The following RPTOR variants were observed in gnomAD, a reference collection of about 807,000 sequenced individuals.
RPTOR encodes regulatory associated protein of MTOR complex 1.
A neutral mutation model predicts 169.9 loss-of-function variants in RPTOR; 21 were observed. The observed-to-expected ratio is 0.12, with a 90% CI of 0.09 to 0.18. The LOEUF is 0.18. Among genes scored for constraint, RPTOR ranks in the 10% least tolerant of loss-of-function variants. The probability of loss-of-function intolerance (pLI) is 1.00; values close to 1 mark genes in which losing one functional copy is unlikely to be tolerated. For synonymous variants in RPTOR, 732 were observed against 753.2 expected, an observed-to-expected ratio of 0.97 and a Z score of 0.46; for missense variants, 1,133 against 1,855.9, an observed-to-expected ratio of 0.61 and a Z score of 7.16.
chr17:80,702,196 A>G (rs542884741), intron 3 of RPTOR, among the ~76,000 whole-genome samples: 1 of 150,924 alleles, frequency 6.6e-6, no homozygotes, highest in South Asian at 2.1e-4. Flanking sequence ...TTGGAGCTGC[A>G]TTTTCCTTCA....
rs114828209 is a variant in RPTOR, at chr17:80,774,001, C to T, written c.831-17449C>T. ...CCTCTTCTCGGGCTGTCAGAAAGGACGAGGCTGAGTCAGGCTTTAATGTAA... is the reference window on the plus strand; with the variant it reads ...CCTCTTCTCGGGCTGTCAGAAAGGATGAGGCTGAGTCAGGCTTTAATGTAA... On this transcript the variant is annotated intron_variant, in intron 6 of 33. Transcript: ENST00000306801. 478 of 985,408 alleles carry T rather than the reference C, an allele frequency of 4.9e-4. 2 individuals carry two copies. The African/African-American group carries it at 5.6e-3, about 12-fold the overall frequency. The allele number at this position is 985,408 out of a possible 1,614,324, so 61.0% of individuals were successfully genotyped here. A position where few individuals can be genotyped will look rare whatever the true frequency, so the allele number is the denominator to read the frequency against.
intron 32 of RPTOR, 33 bp downstream of exon 32, chr17:80,962,610 C>A: frequency 6.4e-7 from 1 of 1,564,436 alleles, no homozygotes; most frequent in Non-Finnish European, 8.8e-7. Context: ...GCCTGCACCG[C>A]TCACCCGCCT....
At position 80,823,855 on chromosome 17, in the gene RPTOR, A is replaced by G. The variant is rs1223484867; in HGVS notation, c.1136+632A>G. 3.9e-5 allele frequency among the ~76,000 whole-genome samples: 6 copies of G among 152,242 alleles called. No individual in the cohort carries two copies. The highest frequency in any genetic ancestry group is 8.8e-5 in the Non-Finnish European group (6 of 68,046). ...CTTTCTGTTCTGTGGCTGTCCTAAC[A>G]AGCAGGTTTGGGCAAATTCTAAAAT... On this transcript the variant is annotated intron_variant, in intron 9 of 33. Transcript: ENST00000306801. This position sits in a 1 kb window ranked among gnomAD's most constrained non-coding sequence, Gnocchi z 4.5.
chr17:80,666,440 G>T (rs2065780086), intron 3 of RPTOR, among the ~76,000 whole-genome samples: 1 of 152,146 alleles, frequency 6.6e-6, no homozygotes, highest in Non-Finnish European at 1.5e-5. Flanking sequence ...GAGTATAGGT[G>T]AGGCCGAAAC....
intron 5 of RPTOR, among the ~76,000 whole-genome samples, chr17:80,749,471 G>A (rs2066610695): frequency 2.8e-5 from 3 of 108,838 alleles, no homozygotes; most frequent in East Asian, 3.0e-4. Context: ...GACCTGTTGG[G>A]TGGATGGAGG....
chr17:80,812,875 T>C (rs935823247), intron 7 of RPTOR, among the ~76,000 whole-genome samples: 1 of 152,254 alleles, frequency 6.6e-6, no homozygotes, highest in Admixed American at 6.5e-5. Context: ...ATTTGGAATC[T>C]GGTGGGCTCA....
At chr17:80,617,444 A>G (rs546922086) in intron 1 of RPTOR, among the ~76,000 whole-genome samples, 13 of 152,342 alleles carry the variant, frequency 8.5e-5, no homozygotes, top group African/African-American at 2.9e-4. Flanking sequence ...GACATATACT[A>G]TTTTATCATG....
intron 29 of RPTOR, among the ~76,000 whole-genome samples, chr17:80,958,071 C>T (rs961808129): frequency 2.6e-5 from 4 of 151,090 alleles, no homozygotes; most frequent in African/African-American, 4.9e-5. Flanking sequence ...TATTTGGAGG[C>T]GTTTTTTTTT....
chr17:80,922,564 C>T lies in RPTOR; in HGVS notation c.2521-160C>T, dbSNP rs547878302. On this transcript the variant is annotated intron_variant, in intron 21 of 33. Transcript: ENST00000306801. ...CACTTGAGCTTCAGGATTGCCTTTGCGGGGGATCCAGCTGGGGCCTTCCAT... is the reference window on the plus strand; with the variant it reads ...CACTTGAGCTTCAGGATTGCCTTTGTGGGGGATCCAGCTGGGGCCTTCCAT... Among the ~76,000 whole-genome samples, 10 of 152,364 alleles carry T rather than the reference C, an allele frequency of 6.6e-5. No homozygotes were observed. In the South Asian group the frequency reaches 1.9e-3, roughly 28 times the overall value.
intron 20 of RPTOR, among the ~76,000 whole-genome samples, chr17:80,894,127 A>G (rs1332574451): frequency 6.6e-6 from 1 of 152,212 alleles, no homozygotes; most frequent in East Asian, 1.9e-4. Context: ...CTGGGTGGGA[A>G]GGCTGCCAGA....
At chr17:80,585,220 C>T (rs4889864) in intron 1 of RPTOR, among the ~76,000 whole-genome samples, 116,852 of 144,858 alleles carry the variant, frequency 0.81, 47,291 homozygotes, top group African/African-American at 0.91. Flanking sequence ...TTTTTTTTTT[C>T]CTGAGATGGA....
At chr17:80,838,701 A>C (rs1317859623) in intron 10 of RPTOR, among the ~76,000 whole-genome samples, 5 of 152,142 alleles carry the variant, frequency 3.3e-5, no homozygotes, top group Non-Finnish European at 5.9e-5. Context: ...GAGGCCAGGG[A>C]TGGGGGAGGC....
chr17:80,947,824 AG>A lies in RPTOR; in HGVS notation c.3265+475del, dbSNP rs1487884066. On this transcript the variant is annotated intron_variant, in intron 27 of 33. Coordinates refer to ENST00000306801, the MANE Select transcript of RPTOR (RefSeq NM_020761.3). This position sits in a 1 kb window ranked among gnomAD's most constrained non-coding sequence, Gnocchi z 4.4. ...CCTCCAGTCCCGTCCTGCACCTGAA[AG>A]GACATCGTTGACCATCATGGTCGCT... is the stretch of plus-strand genomic sequence containing the variant. 6.6e-6 allele frequency among the ~76,000 whole-genome samples: 1 copy of A among 152,170 alleles called. No homozygotes were observed. Among genetic ancestry groups the A allele is most frequent in the Non-Finnish European group, 1.5e-5 (1 of 68,044 alleles).
At chr17:80,682,117 C>CCCCT (rs57796737) in intron 3 of RPTOR, among the ~76,000 whole-genome samples, 1 of 127,928 alleles carries the variant, frequency 7.8e-6, no homozygotes, top group Non-Finnish European at 1.6e-5. Flanking sequence ...TCCCCCCCCC[C>CCCCT]ACCCCAAACA....
chr17:80,573,386 T>C (rs2064928051), intron 1 of RPTOR, among the ~76,000 whole-genome samples: 1 of 152,186 alleles, frequency 6.6e-6, no homozygotes. Context: ...AGACTTCTGG[T>C]CCACACACAT....
rs555768396 is a variant in RPTOR at position 80,923,756 on chromosome 17, G to A, written c.2808+83G>A. 3.7e-4 allele frequency: 524 copies of A among 1,401,050 alleles called. 1 individual carries two copies. In the African/African-American group the frequency reaches 4.7e-3, roughly 12 times the overall value. The allele number at this position is 1,401,050 out of a possible 1,614,324, so 86.8% of individuals were successfully genotyped here. On this transcript the variant is annotated intron_variant, in intron 23 of 33. Transcript: ENST00000306801. Reference sequence around the variant, plus strand: ...GGGCTCATGGCCTCAGCCTCAGGCTGCTCACATCACCATGGGATGGGGCAG... The same window carrying A: ...GGGCTCATGGCCTCAGCCTCAGGCTACTCACATCACCATGGGATGGGGCAG...
chr17:80,963,945 G>A (rs117766089), intron 33 of RPTOR, among the ~76,000 whole-genome samples: 3,160 of 152,152 alleles, frequency 0.021, 71 homozygotes, highest in Non-Finnish European at 0.028. Flanking sequence ...CCCACCTGCC[G>A]CCTTGTGTTG....
intron 28 of RPTOR, among the ~76,000 whole-genome samples, chr17:80,950,233 C>T (rs1014676849): frequency 5.9e-5 from 9 of 152,214 alleles, no homozygotes; most frequent in African/African-American, 2.2e-4. Flanking sequence ...CAGCCCTTGG[C>T]GATGCTCAGA....
intron 3 of RPTOR, among the ~76,000 whole-genome samples, chr17:80,682,569 A>C (rs542831079): frequency 6.6e-5 from 10 of 152,358 alleles, no homozygotes; most frequent in African/African-American, 2.4e-4. Flanking sequence ...CCACAGGCCA[A>C]GGAACACCGA....
Sources: gnomAD v4.1 joint callset for allele counts (sites outside exome capture counted in the v4.1 genomes callset) on GRCh38, gnomAD v4.1.1 for gene constraint, Gnocchi (gnomAD v3.1) non-coding constraint, MANE v1.5 for transcripts, NCBI Gene and HGNC (gene_info 2026-07-23, HGNC 2026-07-21) for gene names.